The following PAGE2B variants were observed in gnomAD, a reference collection of about 807,000 sequenced individuals.
The protein encoded by PAGE2B is putative G antigen family E member 3.
PAGE2B carries 5 observed loss-of-function variants against 7.6 expected under a neutral mutation model. The observed-to-expected ratio is 0.66, with a 90% confidence interval of 0.34 to 1.38. The LOEUF (loss-of-function observed/expected upper bound fraction) is 1.38, where lower values mean the gene tolerates loss of function less well. PAGE2B is among the 40% of genes most tolerant of loss of function. The probability of loss-of-function intolerance (pLI) is 0.04; values close to 1 mark genes in which losing one functional copy is unlikely to be tolerated. For missense variants in PAGE2B, 70 were observed against 78.4 expected, an observed-to-expected ratio of 0.89 and a Z score of 0.41; for synonymous variants, 29 against 26.7, an observed-to-expected ratio of 1.09 and a Z score of -0.27.
the PAGE2B span, among the ~76,000 whole-genome samples, chrX:55,046,314 A>G: frequency 1.8e-5 from 2 of 110,494 alleles, no homozygotes; most frequent in African/African-American, 6.6e-5. Flanking sequence ...GAGTTTCACC[A>G]TGTTAGCCAG....
chrX:55,075,478 A>G (rs1006297147), intron 1 of PAGE2B, among the ~76,000 whole-genome samples: 2 of 111,000 alleles, frequency 1.8e-5, no homozygotes, highest in African/African-American at 6.6e-5. Flanking sequence ...TCAGTAAGGA[A>G]GGGGCCTGGG....
the PAGE2B span, among the ~76,000 whole-genome samples, chrX:55,063,468 GC>G: frequency 2.7e-5 from 3 of 111,059 alleles, no homozygotes; most frequent in Non-Finnish European, 5.7e-5. Flanking sequence ...TTCTCGTGGA[GC>G]CTTTAGGTTT....
chrX:55,040,427 G>C, the PAGE2B span, among the ~76,000 whole-genome samples: 5 of 110,975 alleles, frequency 4.5e-5, no homozygotes, highest in African/African-American at 1.3e-4. Flanking sequence ...TGCTCAGAAT[G>C]ATGGTTTCCA....
chrX:55,059,106 A>C, the PAGE2B span, among the ~76,000 whole-genome samples: 1 of 107,994 alleles, frequency 9.3e-6, no homozygotes. Flanking sequence ...CTAGTGCTGC[A>C]ATAACAAAAT....
At chrX:55,074,173 G>T (rs1936477932), upstream of PAGE2B, among the ~76,000 whole-genome samples, 1 of 111,727 alleles carries the variant, frequency 9.0e-6, no homozygotes. Context: ...TTGATAGAGA[G>T]ATTCTAAAAT....
chrX:55,037,055 T>C, the PAGE2B span, among the ~76,000 whole-genome samples: 1 of 110,900 alleles, frequency 9.0e-6, no homozygotes, highest in East Asian at 2.8e-4. Flanking sequence ...ACAAATGGGA[T>C]CTAATTAAAC....
At chrX:55,044,733 T>G in the PAGE2B span, 1 of 112,157 alleles carries the variant, frequency 8.9e-6, no homozygotes, top group African/African-American at 3.2e-5. Context: ...TCTACTACAA[T>G]GACTTCTGTC....
At chrX:55,065,584 T>G in the PAGE2B span, among the ~76,000 whole-genome samples, 3 of 111,950 alleles carry the variant, frequency 2.7e-5, no homozygotes, top group African/African-American at 9.7e-5. Context: ...CATTTTGTTT[T>G]TGGTTTTCTG....
chrX:55,030,178 G>A, the PAGE2B span, among the ~76,000 whole-genome samples: 6 of 111,494 alleles, frequency 5.4e-5, no homozygotes, highest in Non-Finnish European at 7.5e-5. Flanking sequence ...ACTAGAAAGG[G>A]TGGTGGAAAT....
chrX:55,077,271 G>A (rs1475877615), intron 3 of PAGE2B, 128 bp from the exon 4 acceptor site: 36 of 1,073,985 alleles, frequency 3.4e-5, no homozygotes, highest in Admixed American at 6.7e-5. Context: ...TGTTTTCCTG[G>A]CAGCAGATTC....
At chrX:55,060,326 G>A in the PAGE2B span, among the ~76,000 whole-genome samples, 1 of 111,203 alleles carries the variant, frequency 9.0e-6, no homozygotes, top group Non-Finnish European at 1.9e-5. Flanking sequence ...TAATGGGTGT[G>A]AGGTGATATA....
At chrX:55,050,980 A>G in the PAGE2B span, among the ~76,000 whole-genome samples, 5 of 111,412 alleles carry the variant, frequency 4.5e-5, no homozygotes, top group African/African-American at 1.6e-4. Flanking sequence ...TGCTTCCTTC[A>G]GGAGCTCTTG....
chrX:55,070,200 T>A (rs1457834973), upstream of PAGE2B, among the ~76,000 whole-genome samples: 4 of 111,941 alleles, frequency 3.6e-5, no homozygotes, highest in Non-Finnish European at 7.5e-5. Context: ...CTCTACACAC[T>A]GCTTTAAATG....
At chrX:55,062,233 C>G in the PAGE2B span, among the ~76,000 whole-genome samples, 1 of 111,480 alleles carries the variant, frequency 9.0e-6, no homozygotes, top group Non-Finnish European at 1.9e-5. Context: ...GGGGAGTTCC[C>G]TTTTCTCCAC....
the PAGE2B span, among the ~76,000 whole-genome samples, chrX:55,068,231 A>T: frequency 9.0e-6 from 1 of 111,709 alleles, no homozygotes; most frequent in Non-Finnish European, 1.9e-5. Flanking sequence ...GTTGTATAAG[A>T]TGTAAGGAAG....
At chrX:55,036,606 C>A in the PAGE2B span, among the ~76,000 whole-genome samples, 1 of 111,132 alleles carries the variant, frequency 9.0e-6, no homozygotes, top group South Asian at 3.8e-4. Context: ...AATCCTAAGC[C>A]AAAAGAACAA....
At chrX:55,069,705 T>G in the PAGE2B span, among the ~76,000 whole-genome samples, 1 of 111,838 alleles carries the variant, frequency 8.9e-6, no homozygotes, top group South Asian at 3.7e-4. Context: ...TATTAATTGC[T>G]GCCTCAATTT....
At chrX:55,029,371 A>T in the PAGE2B span, among the ~76,000 whole-genome samples, 11 of 111,920 alleles carry the variant, frequency 9.8e-5, no homozygotes, top group Admixed American at 1.0e-3. Flanking sequence ...CCGTGTTCTC[A>T]TGTCAACCCT....
At chrX:55,060,955 G>A in the PAGE2B span, among the ~76,000 whole-genome samples, 1 of 110,383 alleles carries the variant, frequency 9.1e-6, no homozygotes, top group African/African-American at 3.3e-5. Context: ...ATGAACACAA[G>A]GAAACTCAGA....
Sources: gnomAD v4.1 joint callset for allele counts (sites outside exome capture counted in the v4.1 genomes callset) on GRCh38, gnomAD v4.1.1 for gene constraint, MANE v1.5 for transcripts, NCBI Gene and HGNC (gene_info 2026-07-23, HGNC 2026-07-21) for gene names.